Variants in TRIM9 observed in about 807,000 individuals in gnomAD.
TRIM9 encodes E3 ubiquitin-protein ligase TRIM9.
In TRIM9, 26 loss-of-function variants were observed where a neutral mutation model predicts 78.3. That is an observed-to-expected ratio of 0.33 (90% CI 0.24 to 0.46). TRIM9 has a LOEUF of 0.46. Among genes scored for constraint, TRIM9 ranks in the 20% least tolerant of loss-of-function variants. TRIM9 has a pLI of 1.00. For missense variants in TRIM9, 787 were observed against 1,036.4 expected, an observed-to-expected ratio of 0.76 and a Z score of 3.30; for synonymous variants, 398 against 416.5, an observed-to-expected ratio of 0.96 and a Z score of 0.54.
At chr14:51,054,611 C>T (rs1303159551) in intron 1 of TRIM9, among the ~76,000 whole-genome samples, 1 of 151,640 alleles carries the variant, frequency 6.6e-6, no homozygotes, top group South Asian at 2.1e-4. Context: ...GAAGGAGTTT[C>T]GCTCTGTCGC....
At position 51,094,907 on chromosome 14, in the gene TRIM9, G is replaced by C. The variant is rs141577322; in HGVS notation, c.33C>G (p.Pro11=). Residue 11 remains proline (P), a synonymous_variant, in exon 1 of 13, where the codon CCC becomes CCG. Transcript: ENST00000684578. The part of the protein sequence containing the change: MEEMEEELKC[P]VCGSFYREPI... ...GCTCCCGATAGAAGGAGCCGCACAC[G>C]GGGCATTTCAACTCCTCTTCCATCT... is the stretch of plus-strand genomic sequence containing the variant. 1.1e-4 allele frequency: 163 copies of C among 1,506,438 alleles called. 1 individual carries two copies. The East Asian group carries it at 2.9e-3, about 27-fold the overall frequency. The allele number at this position is 1,506,438 out of a possible 1,614,324, so 93.3% of individuals were successfully genotyped here.
chr14:50,982,827 G>T, intron 10 of TRIM9, 115 bp downstream of exon 10: 3 of 988,190 alleles, frequency 3.0e-6, no homozygotes, highest in South Asian at 1.7e-5. Context: ...AGTTCTAAAT[G>T]CCACCTATAA....
chr14:51,094,710 C>A lies in TRIM9; in HGVS notation c.230G>T (p.Gly77Val). Residue 77 changes from glycine to valine, a missense_variant, in exon 1 of 13, where the codon GGC becomes GTC. Physicochemically the swap from Gly to Val is moderately radical, Grantham distance 109. This residue lies in a region of TRIM9 where 352 missense variants were observed against 472.3 expected (regional missense o/e 0.75). Transcript: ENST00000684578. ...GGCGAACCCCCCGTAGGAGCCATAGCCGCTGTCCGCCTCGCTGTATAGGCT... is the reference window on the plus strand; with the variant it reads ...GGCGAACCCCCCGTAGGAGCCATAGACGCTGTCCGCCTCGCTGTATAGGCT... ...KMSLYSEADSGYGSYGGFASA... is the reference protein window; with the variant it reads ...KMSLYSEADSVYGSYGGFASA... The A allele has an allele frequency of 6.4e-7, 1 of 1,558,708 alleles. No homozygotes were observed. Among genetic ancestry groups the A allele is most frequent in the Non-Finnish European group, 8.7e-7 (1 of 1,151,920 alleles).
chr14:51,015,113 A>G (rs1331847897), intron 3 of TRIM9, among the ~76,000 whole-genome samples: 1 of 152,190 alleles, frequency 6.6e-6, no homozygotes, highest in East Asian at 1.9e-4. Flanking sequence ...TTAAGTGGCA[A>G]ATTTATAAAG....
chr14:51,035,338 T>C (rs1363838275), intron 1 of TRIM9, among the ~76,000 whole-genome samples: 1 of 152,188 alleles, frequency 6.6e-6, no homozygotes, highest in East Asian at 1.9e-4. Context: ...TAGATCTAAG[T>C]GGAAACTTGA....
chr14:50,983,483 G>T, intron 8 of TRIM9, 62 bp from the exon 9 acceptor site: 2 of 1,331,310 alleles, frequency 1.5e-6, no homozygotes, highest in Non-Finnish European at 2.1e-6. Flanking sequence ...AAAATTACTT[G>T]TATACGCTTA....
intron 1 of TRIM9, among the ~76,000 whole-genome samples, chr14:51,029,145 T>G (rs187216638): frequency 5.3e-5 from 8 of 152,306 alleles, no homozygotes; most frequent in African/African-American, 1.7e-4. Context: ...TCACGTGGCC[T>G]TTTCCCCTCA....
intron 3 of TRIM9, among the ~76,000 whole-genome samples, chr14:51,020,286 C>T (rs1953892): frequency 0.36 from 54,957 of 151,922 alleles, 10,290 homozygotes; most frequent in South Asian, 0.64. Context: ...GCGAGCGAGC[C>T]GTGGAGGCCT....
At chr14:51,088,376 A>G (rs540278688) in intron 1 of TRIM9, among the ~76,000 whole-genome samples, 2 of 152,338 alleles carry the variant, frequency 1.3e-5, no homozygotes, top group East Asian at 3.9e-4. Flanking sequence ...TACAATATAC[A>G]ATGTGAACTA....
At position 51,094,577 on chromosome 14, in the gene TRIM9, G is replaced by A; in HGVS notation, c.363C>T (p.Pro121=). 1 of 1,612,194 alleles carries A rather than the reference G, an allele frequency of 6.2e-7. No homozygotes were observed. The highest frequency in any genetic ancestry group is 8.5e-7 in the Non-Finnish European group (1 of 1,179,470). ...GGGGGCAGGTGATACAGGAGTTGCG[G>A]GGCACCGGGGCCAGGGCCGGTGACA... ...THLSPALAPV[P]RNSCITCPQC... is the part of the protein sequence containing the mutation. The change falls in exon 1 of 13, where the codon CCC becomes CCT. Residue 121 remains proline (P), a synonymous_variant. Transcript: ENST00000684578.
intron 1 of TRIM9, chr14:51,091,129 C>CATTATT (rs375254437): frequency 1.3e-5 from 2 of 151,534 alleles, no homozygotes; most frequent in African/African-American, 4.8e-5. Context: ...CTTATAAGAC[C>CATTATT]ATTATTATTA....
chr14:51,082,853 T>C (rs562473443), intron 1 of TRIM9, among the ~76,000 whole-genome samples: 14 of 152,184 alleles, frequency 9.2e-5, no homozygotes, highest in African/African-American at 3.4e-4. Flanking sequence ...CAAAGCTATA[T>C]GTAGGTTCTC....
At chr14:50,987,035 G>A (rs116689251) in intron 7 of TRIM9, among the ~76,000 whole-genome samples, 1,551 of 152,264 alleles carry the variant, frequency 0.01, 26 homozygotes, top group African/African-American at 0.036. Context: ...TTCTATGCAC[G>A]GTGTGGTCTA....
At chr14:51,002,323 A>T (rs2055180142) in intron 5 of TRIM9, among the ~76,000 whole-genome samples, 1 of 150,332 alleles carries the variant, frequency 6.7e-6, no homozygotes, top group African/African-American at 2.5e-5. Flanking sequence ...TTTAGTAGAG[A>T]CGGGGTTTCA....
intron 1 of TRIM9, among the ~76,000 whole-genome samples, chr14:51,069,608 G>A (rs1001010774): frequency 6.6e-6 from 1 of 152,200 alleles, no homozygotes; most frequent in African/African-American, 2.4e-5. Context: ...TTTGTTTCAT[G>A]GCATTGTTGG....
At chr14:51,022,581 TTTC>T (rs2057859036) in intron 3 of TRIM9, among the ~76,000 whole-genome samples, 1 of 152,234 alleles carries the variant, frequency 6.6e-6, no homozygotes, top group Non-Finnish European at 1.5e-5. Context: ...AGAATTTTGA[TTTC>T]TTTATTATTC....
rs890934543 is a variant in TRIM9 at position 50,976,073 on chromosome 14, T to A, written c.*1218A>T. 8 of 152,510 alleles carry A rather than the reference T, an allele frequency of 5.2e-5. No homozygotes were observed. The highest frequency in any genetic ancestry group is 1.4e-4 in the African/African-American group (6 of 41,412). The allele number at this position is 152,510 out of a possible 1,614,324, so 9.4% of individuals were successfully genotyped here. ...GAATGCTGTGGACTGCAACTCAAGA[T>A]CTCCCATTACTGAGAATGGGTCCTT... On this transcript the variant is annotated 3_prime_UTR_variant, in exon 13 of 13. Coordinates refer to ENST00000684578, the MANE Select transcript of TRIM9 (RefSeq NM_001387360.1).
chr14:51,079,941 G>T (rs926918449), intron 1 of TRIM9, among the ~76,000 whole-genome samples: 1 of 152,232 alleles, frequency 6.6e-6, no homozygotes. Flanking sequence ...TGAAGGAGTA[G>T]AGAGTGCTAG....
In TRIM9 at chr14:51,094,408, C is replaced by T. The variant is rs1408471735; in HGVS notation, c.532G>A (p.Ala178Thr). The change falls in exon 1 of 13, where the codon GCC (alanine) becomes ACC (threonine). Residue 178 changes from alanine to threonine, a missense_variant. Around this residue, in one of 3 missense-constraint regions of TRIM9, gnomAD observed 352 missense variants for 472.3 expected, o/e 0.75. Coordinates refer to ENST00000684578, the MANE Select transcript of TRIM9 (RefSeq NM_001387360.1). ...CQLCEKAPKE[A>T]TVMCEQCDVF... is the part of the protein sequence containing the mutation. ...TCGCACTGTTCGCACATGACGGTGGCTTCCTTGGGCGCCTTCTCGCAGAGC... is the reference window on the plus strand; with the variant it reads ...TCGCACTGTTCGCACATGACGGTGGTTTCCTTGGGCGCCTTCTCGCAGAGC... 1 of 1,613,946 alleles carries T rather than the reference C, an allele frequency of 6.2e-7. No individual in the cohort carries two copies.
Sources: allele counts gnomAD v4.1 joint callset (sites outside exome capture counted in the v4.1 genomes callset), GRCh38; gene constraint gnomAD v4.1.1; regional missense constraint gnomAD v4.1.1; transcripts MANE v1.5; gene names NCBI Gene and HGNC (gene_info 2026-07-23, HGNC 2026-07-21).